Variants in SGCZ observed in about 807,000 individuals in gnomAD.
SGCZ encodes sarcoglycan zeta.
Under a neutral mutation model 41.3 loss-of-function variants are expected in SGCZ, and 40 were observed. The ratio of observed to expected loss-of-function variants is 0.97; its 90% confidence interval spans 0.75 to 1.26. The LOEUF is 1.26. SGCZ is among the 50% of genes most tolerant of loss of function. SGCZ has a pLI of 0.00. For synonymous variants in SGCZ, 206 were observed against 137.5 expected (o/e 1.50, Z -3.49); for missense variants, 552 against 369.8 (o/e 1.49, Z -4.04).
At chr8:14,522,933 C>T (rs986798605) in intron 2 of SGCZ, among the ~76,000 whole-genome samples, 12 of 151,408 alleles carry the variant, frequency 7.9e-5, no homozygotes, top group Non-Finnish European at 1.8e-4. Context: ...TTTTATTATT[C>T]TATTTTGATT....
intron 2 of SGCZ, among the ~76,000 whole-genome samples, chr8:14,360,061 T>A (rs1803452918): frequency 6.6e-6 from 1 of 152,138 alleles, no homozygotes; most frequent in Admixed American, 6.5e-5. Context: ...AAATTCAAGA[T>A]ACTTTCTTGA....
At chr8:14,401,556 C>T (rs55676353) in intron 2 of SGCZ, among the ~76,000 whole-genome samples, 6 of 149,232 alleles carry the variant, frequency 4.0e-5, no homozygotes, top group South Asian at 2.1e-4. Flanking sequence ...TTTGTTCTTG[C>T]GATAGTTTAC....
chr8:14,862,419 C>T (rs1018700906), intron 1 of SGCZ, among the ~76,000 whole-genome samples: 2 of 151,334 alleles, frequency 1.3e-5, no homozygotes, highest in Admixed American at 1.3e-4. Context: ...CGTTTAGTCA[C>T]CATATGCATG....
chr8:14,838,382 C>T (rs1428630214), intron 1 of SGCZ, among the ~76,000 whole-genome samples: 1 of 152,150 alleles, frequency 6.6e-6, no homozygotes, highest in African/African-American at 2.4e-5. Flanking sequence ...TAGCAGAAGA[C>T]TCACCTTAGA....
chr8:14,856,149 C>T (rs917953372), intron 1 of SGCZ, among the ~76,000 whole-genome samples: 6 of 152,112 alleles, frequency 3.9e-5, no homozygotes, highest in Admixed American at 2.6e-4. Context: ...GATATAAATT[C>T]CATTTTAATA....
chr8:15,197,703 G>A (rs1004356563), intron 1 of SGCZ, among the ~76,000 whole-genome samples: 1 of 152,056 alleles, frequency 6.6e-6, no homozygotes, highest in African/African-American at 2.4e-5. Context: ...AGATTCTGAG[G>A]GCCCTGCCTC....
intron 1 of SGCZ, among the ~76,000 whole-genome samples, chr8:14,927,398 C>G (rs1259547666): frequency 6.6e-6 from 1 of 151,976 alleles, no homozygotes; most frequent in Non-Finnish European, 1.5e-5. Context: ...CGTGAGCCAC[C>G]GCGCCCGGCC....
intron 1 of SGCZ, among the ~76,000 whole-genome samples, chr8:15,077,916 T>C (rs769058255): frequency 1.3e-5 from 2 of 150,856 alleles, no homozygotes; most frequent in Non-Finnish European, 3.0e-5. Context: ...CCAGAGAATC[T>C]TCGACTGGTC....
intron 1 of SGCZ, among the ~76,000 whole-genome samples, chr8:14,924,726 T>A (rs893086600): frequency 4.6e-5 from 7 of 152,270 alleles, no homozygotes; most frequent in African/African-American, 1.7e-4. Context: ...TTTTTCAACA[T>A]AGTAAACTGA....
At chr8:15,084,727 G>C (rs1840354) in intron 1 of SGCZ, among the ~76,000 whole-genome samples, 115,483 of 152,008 alleles carry the variant, frequency 0.76, 45,200 homozygotes, top group Non-Finnish European at 0.86. Context: ...CCTCCAGCCT[G>C]GGCAATGGAG....
intron 1 of SGCZ, among the ~76,000 whole-genome samples, chr8:15,177,321 G>A (rs1215635898): frequency 3.9e-5 from 6 of 152,174 alleles, no homozygotes; most frequent in Non-Finnish European, 7.3e-5. Context: ...TACAGCAGCT[G>A]ATGGATAACG....
At chr8:14,720,001 G>A (rs13439643) in intron 1 of SGCZ, among the ~76,000 whole-genome samples, 55,157 of 151,818 alleles carry the variant, frequency 0.36, 12,075 homozygotes, top group African/African-American at 0.6. Flanking sequence ...TAAAGTTTAC[G>A]TCTTTAATCC....
At chr8:14,212,971 G>C (rs544940150) in intron 4 of SGCZ, among the ~76,000 whole-genome samples, 2 of 152,042 alleles carry the variant, frequency 1.3e-5, no homozygotes, top group Admixed American at 1.3e-4. Context: ...GAAATAACAG[G>C]AGATGTAATC....
chr8:14,297,544 T>A (rs1051605264), intron 3 of SGCZ, among the ~76,000 whole-genome samples: 2 of 151,718 alleles, frequency 1.3e-5, no homozygotes, highest in African/African-American at 4.8e-5. Context: ...AAACCAAAAT[T>A]ACCGCTTTCT....
intron 1 of SGCZ, among the ~76,000 whole-genome samples, chr8:15,233,179 C>T (rs979387236): frequency 6.6e-5 from 10 of 151,742 alleles, no homozygotes. Flanking sequence ...AGGCAGGCTG[C>T]TAAAAATATG....
chr8:14,910,494 A>T (rs555322192), intron 1 of SGCZ, among the ~76,000 whole-genome samples: 4 of 151,946 alleles, frequency 2.6e-5, no homozygotes, highest in Non-Finnish European at 2.9e-5. Flanking sequence ...TGTTTTTTTT[A>T]AATGTACATA....
chr8:14,111,977 A>C (rs1182267466), intron 5 of SGCZ, among the ~76,000 whole-genome samples: 1 of 152,172 alleles, frequency 6.6e-6, no homozygotes, highest in Non-Finnish European at 1.5e-5. Context: ...TCTAAATGCT[A>C]TCTATACTAT....
chr8:14,196,563 C>T (rs911940718), intron 4 of SGCZ, among the ~76,000 whole-genome samples: 13 of 152,072 alleles, frequency 8.5e-5, no homozygotes, highest in Non-Finnish European at 1.5e-4. Flanking sequence ...TAAAAACCTA[C>T]GTATATACAC....
intron 1 of SGCZ, among the ~76,000 whole-genome samples, chr8:15,017,025 C>G (rs1803065752): frequency 6.6e-6 from 1 of 152,182 alleles, no homozygotes; most frequent in Non-Finnish European, 1.5e-5. Context: ...TCCCACTAGA[C>G]TCCACCTTCA....
Sources: gnomAD v4.1 joint callset for allele counts (sites outside exome capture counted in the v4.1 genomes callset) on GRCh38, gnomAD v4.1.1 for gene constraint, MANE v1.5 for transcripts, NCBI Gene and HGNC (gene_info 2026-07-23, HGNC 2026-07-21) for gene names.